Variants in MIA2 observed in about 807,000 individuals in gnomAD.
The protein encoded by MIA2 is melanoma inhibitory activity protein 2.
Under a neutral mutation model 167.8 loss-of-function variants are expected in MIA2, and 127 were observed. That is an observed-to-expected ratio of 0.76 (90% CI 0.66 to 0.88). The LOEUF is 0.88. Ranked by LOEUF, MIA2 falls within the 40% of genes least tolerant of loss-of-function variation. MIA2 has a pLI of 0.00. For synonymous variants in MIA2, 552 were observed against 541.9 expected (o/e 1.02, Z -0.26); for missense variants, 1,690 against 1,624.7 (o/e 1.04, Z -0.69).
intron 9 of MIA2, among the ~76,000 whole-genome samples, 196 bp downstream of exon 9, chr14:39,279,733 T>A (rs2058656380): frequency 6.6e-6 from 1 of 152,226 alleles, no homozygotes; most frequent in Non-Finnish European, 1.5e-5. Context: ...TGGTGTCTCC[T>A]TGTGCTTTCC....
chr14:39,347,724 C>A lies in MIA2; in HGVS notation c.3790C>A (p.Pro1264Thr). The change falls in exon 27 of 29, where the codon CCT becomes ACT. Residue 1264 changes from proline to threonine, a missense_variant. Pro to Thr is a conservative substitution (Grantham distance 38). Transcript: ENST00000640607. ...ACTTTTATGTCTAGATGGGTCAATG[C>A]CTTCAGAAATGGAATCCAGTAGAAA... The part of the protein sequence containing the change: ...PSLDKMDGSM[P>T]SEMESSRNDT... The A allele has an allele frequency of 1.9e-6, 3 of 1,612,318 alleles. No homozygotes were observed. Among genetic ancestry groups the A allele is most frequent in the Non-Finnish European group, 2.5e-6 (3 of 1,179,430 alleles).
chr14:39,263,141 T>A lies in MIA2; in HGVS notation c.1887+9970T>A, dbSNP rs866525960. On this transcript the variant is annotated intron_variant, in intron 6 of 28. Coordinates refer to ENST00000640607, the MANE Select transcript of MIA2 (RefSeq NM_001329214.4). Reference sequence around the variant, plus strand: ...AGTTTTTGCCCATTCAGTATGATATTGGCTGTGGGTTTGTCATAAATAGCT... The same window carrying A: ...AGTTTTTGCCCATTCAGTATGATATAGGCTGTGGGTTTGTCATAAATAGCT... Among the ~76,000 whole-genome samples, 1,404 of 152,304 alleles carry A rather than the reference T, an allele frequency of 9.2e-3. 10 individuals carry two copies. Among genetic ancestry groups the A allele is most frequent in the Middle Eastern group, 0.017 (5 of 294 alleles).
intron 6 of MIA2, among the ~76,000 whole-genome samples, chr14:39,263,569 T>C (rs959341439): frequency 2.0e-5 from 3 of 151,244 alleles, no homozygotes; most frequent in Non-Finnish European, 4.4e-5. Context: ...TTTCCTTTCC[T>C]TTCCTTTCCT....
intron 25 of MIA2, among the ~76,000 whole-genome samples, chr14:39,332,621 T>C (rs1293136423): frequency 4.6e-5 from 7 of 152,154 alleles, no homozygotes; most frequent in Non-Finnish European, 1.0e-4. Flanking sequence ...GGATGGAGTT[T>C]TTGCTTGGTC....
chr14:39,248,271 C>G, intron 4 of MIA2, 130 bp downstream of exon 4: 1 of 644,646 alleles, frequency 1.6e-6, no homozygotes, highest in East Asian at 3.8e-5. Flanking sequence ...CATCAATTTC[C>G]AGTTTACTCT....
At chr14:39,346,932 A>AT in intron 26 of MIA2, 1 of 319,158 alleles carries the variant, frequency 3.1e-6, no homozygotes, top group South Asian at 2.6e-5. Flanking sequence ...TATTTTATTT[A>AT]TTTTTTAATT....
intron 6 of MIA2, chr14:39,266,339 T>C: frequency 2.0e-6 from 2 of 985,360 alleles, no homozygotes; most frequent in South Asian, 4.7e-5. Context: ...CTTGGCACTT[T>C]ATTCGACGGT....
chr14:39,276,353 C>T (rs1180689039), intron 6 of MIA2: 3 of 152,188 alleles, frequency 2.0e-5, no homozygotes, highest in African/African-American at 7.2e-5. Context: ...GAGCACCTGT[C>T]TGGCATGTTC....
intron 8 of MIA2, 45 bp from the exon 9 acceptor site, chr14:39,279,404 A>G (rs772879462): frequency 6.2e-7 from 1 of 1,603,538 alleles, no homozygotes; most frequent in South Asian, 1.1e-5. Flanking sequence ...TGTTGTAAAA[A>G]CTTATAATAA....
chr14:39,333,954 A>G (rs36057593), intron 25 of MIA2, among the ~76,000 whole-genome samples: 51,111 of 151,994 alleles, frequency 0.34, 9,504 homozygotes, highest in East Asian at 0.5. Flanking sequence ...ACCTGTGTCA[A>G]CTATAATCTC....
intron 6 of MIA2, 44 bp downstream of exon 6, chr14:39,253,215 T>C (rs753214564): frequency 1.6e-5 from 26 of 1,600,974 alleles, no homozygotes; most frequent in Non-Finnish European, 2.0e-5. Context: ...TTACCTATTT[T>C]GCTAAATATA....
chr14:39,268,585 G>C (rs961483234), intron 6 of MIA2, among the ~76,000 whole-genome samples: 2 of 152,194 alleles, frequency 1.3e-5, no homozygotes, highest in African/African-American at 4.8e-5. Context: ...AATGATGCTT[G>C]CCGGAGATGT....
At chr14:39,234,850 T>A (rs577256048) in intron 1 of MIA2, among the ~76,000 whole-genome samples, 3 of 152,182 alleles carry the variant, frequency 2.0e-5, no homozygotes, top group African/African-American at 7.2e-5. Flanking sequence ...AAATGGAAAT[T>A]AATTTCCATT....
At chr14:39,379,085 T>G (rs73279402) in intron 23 of MIA2, among the ~76,000 whole-genome samples, 12,139 of 152,204 alleles carry the variant, frequency 0.08, 1,619 homozygotes, top group African/African-American at 0.27. Flanking sequence ...CCTATTAAAT[T>G]TTAATCATCT....
chr14:39,252,074 CG>C (rs201159856), intron 4 of MIA2, among the ~76,000 whole-genome samples: 10,675 of 97,442 alleles, frequency 0.11, 397 homozygotes, highest in African/African-American at 0.22. Context: ...CAAAAAGGCA[CG>C]TTAGAGAATA....
At chr14:39,306,430 A>AG (rs2063351658) in intron 17 of MIA2, among the ~76,000 whole-genome samples, 1 of 152,060 alleles carries the variant, frequency 6.6e-6, no homozygotes, top group Non-Finnish European at 1.5e-5. Context: ...AAGAGAGTGA[A>AG]GGGGGAGGTG....
intron 6 of MIA2, among the ~76,000 whole-genome samples, chr14:39,259,663 T>G (rs921633705): frequency 6.7e-6 from 1 of 149,440 alleles, no homozygotes; most frequent in Non-Finnish European, 1.5e-5. Context: ...CCTGAGTAGC[T>G]GGGATTACAG....
intron 25 of MIA2, among the ~76,000 whole-genome samples, chr14:39,336,119 C>CA (rs2070351334): frequency 6.6e-6 from 1 of 152,162 alleles, no homozygotes; most frequent in Admixed American, 6.5e-5. Flanking sequence ...GATATATACC[C>CA]AGTAATGGGA....
chr14:39,280,367 A>G (rs1594955383), intron 9 of MIA2, among the ~76,000 whole-genome samples: 1 of 151,374 alleles, frequency 6.6e-6, no homozygotes, highest in South Asian at 2.1e-4. Context: ...ATGTATTTTC[A>G]TTTCTCTTCA....
Sources: allele counts gnomAD v4.1 joint callset (sites outside exome capture counted in the v4.1 genomes callset), GRCh38; gene constraint gnomAD v4.1.1; transcripts MANE v1.5; gene names NCBI Gene and HGNC (gene_info 2026-07-23, HGNC 2026-07-21).